The following UNC5C variants were observed in gnomAD, a reference collection of about 807,000 sequenced individuals.
The protein encoded by UNC5C is unc-5 netrin receptor C, also known as netrin receptor UNC5C.
In UNC5C, 47 loss-of-function variants were observed where a neutral mutation model predicts 99.8. The observed-to-expected ratio is 0.47, with a 90% CI of 0.37 to 0.60. The LOEUF (loss-of-function observed/expected upper bound fraction) is 0.60, where lower values mean the gene tolerates loss of function less well. Among genes scored for constraint, UNC5C ranks in the 20% least tolerant of loss-of-function variants. The pLI, the probability that UNC5C is intolerant of heterozygous loss-of-function variation, is 0.00. For missense variants in UNC5C, 1,062 were observed against 1,165.9 expected (o/e 0.91, Z 1.30); for synonymous variants, 487 against 452.2 (o/e 1.08, Z -0.98).
chr4:95,317,537 G>T (rs1249665827), intron 2 of UNC5C, among the ~76,000 whole-genome samples: 1 of 152,174 alleles, frequency 6.6e-6, no homozygotes, highest in African/African-American at 2.4e-5. Flanking sequence ...ACAATGTGGA[G>T]AAAGAACTTG....
intron 1 of UNC5C, among the ~76,000 whole-genome samples, chr4:95,473,477 G>A (rs185941566): frequency 6.6e-6 from 1 of 151,968 alleles, no homozygotes; most frequent in East Asian, 1.9e-4. Flanking sequence ...CTTTTTTGCT[G>A]AGAAATTTGC....
At chr4:95,183,320 C>T (rs1310091058) in intron 13 of UNC5C, among the ~76,000 whole-genome samples, 1 of 151,986 alleles carries the variant, frequency 6.6e-6, no homozygotes, top group African/African-American at 2.4e-5. Flanking sequence ...CTCCAGAATC[C>T]ATGTACCTAA....
At chr4:95,394,324 G>T (rs371090331) in intron 1 of UNC5C, among the ~76,000 whole-genome samples, 20 of 151,586 alleles carry the variant, frequency 1.3e-4, no homozygotes, top group Admixed American at 1.1e-3. Flanking sequence ...TCTCACGAAT[G>T]GGGGGTGCTA....
intron 3 of UNC5C, among the ~76,000 whole-genome samples, chr4:95,288,958 A>T (rs1741342697): frequency 6.6e-6 from 1 of 152,188 alleles, no homozygotes; most frequent in African/African-American, 2.4e-5. Flanking sequence ...TTTGGGGGTC[A>T]TTATCTATCC....
intron 1 of UNC5C, among the ~76,000 whole-genome samples, chr4:95,417,225 G>GA: frequency 6.6e-6 from 1 of 152,276 alleles, no homozygotes; most frequent in African/African-American, 2.4e-5. Flanking sequence ...TGGCACACCG[G>GA]AAAATGAACT....
intron 1 of UNC5C, among the ~76,000 whole-genome samples, chr4:95,435,116 A>G (rs1228510090): frequency 6.6e-6 from 1 of 152,098 alleles, no homozygotes; most frequent in Non-Finnish European, 1.5e-5. Context: ...GAGATAGAGT[A>G]CAAGGAAGCA....
At chr4:95,181,042 A>G (rs905412088) in intron 14 of UNC5C, among the ~76,000 whole-genome samples, 12 of 152,124 alleles carry the variant, frequency 7.9e-5, no homozygotes, top group African/African-American at 2.9e-4. Context: ...TCCTCTGCGC[A>G]CCCAGCACCC....
At chr4:95,295,778 A>G (rs1483439163) in intron 3 of UNC5C, among the ~76,000 whole-genome samples, 1 of 152,236 alleles carries the variant, frequency 6.6e-6, no homozygotes, top group Non-Finnish European at 1.5e-5. Context: ...CACTTGATAC[A>G]GGACAGAGTA....
At chr4:95,527,331 A>G (rs1247284116) in intron 1 of UNC5C, among the ~76,000 whole-genome samples, 2 of 152,144 alleles carry the variant, frequency 1.3e-5, no homozygotes, top group Non-Finnish European at 2.9e-5. Context: ...ATGCTTAATA[A>G]ATTGCATTTA....
intron 1 of UNC5C, among the ~76,000 whole-genome samples, chr4:95,337,941 CAAAGT>C (rs1297752640): frequency 2.0e-5 from 3 of 151,976 alleles, no homozygotes; most frequent in African/African-American, 7.2e-5. Flanking sequence ...ATAATATTCA[CAAAGT>C]AAAGTCAAGC....
intron 1 of UNC5C, among the ~76,000 whole-genome samples, chr4:95,436,198 C>T (rs1447471400): frequency 6.7e-6 from 1 of 150,168 alleles, no homozygotes; most frequent in Non-Finnish European, 1.5e-5. Flanking sequence ...AAAAAAAATC[C>T]AAAGAGAAAA....
At position 95,324,568 on chromosome 4, in the gene UNC5C, C is replaced by T. The variant is rs1489665528; in HGVS notation, c.346+10842G>A. Reference sequence around the variant, plus strand: ...TCCCTCCTGCCAAAAAGGTTGGGGACTGTTGTGCTAATATACATTTGCTAT... The same window carrying T: ...TCCCTCCTGCCAAAAAGGTTGGGGATTGTTGTGCTAATATACATTTGCTAT... On this transcript the variant is annotated intron_variant, in intron 2 of 15. Coordinates refer to ENST00000453304, the MANE Select transcript of UNC5C (RefSeq NM_003728.4). 3.3e-5 allele frequency among the ~76,000 whole-genome samples: 5 copies of T among 152,104 alleles called. No homozygotes were observed. In the East Asian group the frequency reaches 9.6e-4, roughly 29 times the overall value.
intron 1 of UNC5C, among the ~76,000 whole-genome samples, chr4:95,405,573 G>A (rs568562984): frequency 2.6e-5 from 4 of 152,232 alleles, no homozygotes; most frequent in East Asian, 1.9e-4. Flanking sequence ...TATATTAAGC[G>A]CAAAGAAAAT....
intron 2 of UNC5C, among the ~76,000 whole-genome samples, chr4:95,321,505 CTA>C (rs34776587): frequency 0.13 from 20,222 of 152,102 alleles, 1,518 homozygotes; most frequent in African/African-American, 0.19. Context: ...TCTGATCTAA[CTA>C]TGTTTTTGTA....
At position 95,216,110 on chromosome 4, in the gene UNC5C, A is replaced by G; in HGVS notation, c.1733+14T>C. 2 of 1,607,954 alleles carry G rather than the reference A, an allele frequency of 1.2e-6. No individual in the cohort carries two copies. The highest frequency in any genetic ancestry group is 1.1e-5 in the South Asian group (1 of 90,634). On this transcript the variant is annotated intron_variant, in intron 10 of 15. Transcript: ENST00000453304. ...ACATTGGTAAAGTCAGTGCACCAGA[A>G]AAAGCATATTTACCTCATAGTTTCT...
intron 2 of UNC5C, among the ~76,000 whole-genome samples, chr4:95,317,177 T>C (rs1742507235): frequency 6.6e-6 from 1 of 152,168 alleles, no homozygotes; most frequent in Admixed American, 6.6e-5. Context: ...CCTTCAGCAC[T>C]GGGTAATGTC....
At chr4:95,500,299 T>C (rs768603190) in intron 1 of UNC5C, among the ~76,000 whole-genome samples, 1 of 152,106 alleles carries the variant, frequency 6.6e-6, no homozygotes, top group Non-Finnish European at 1.5e-5. Context: ...AACCTTATTC[T>C]ACCCATTTGG....
At chr4:95,504,013 C>G (rs904104868) in intron 1 of UNC5C, among the ~76,000 whole-genome samples, 1 of 152,100 alleles carries the variant, frequency 6.6e-6, no homozygotes, top group South Asian at 2.1e-4. Context: ...ATTAATCAAT[C>G]ACCACTATGT....
At chr4:95,190,266 C>G (rs1737018838) in intron 12 of UNC5C, among the ~76,000 whole-genome samples, 1 of 150,280 alleles carries the variant, frequency 6.7e-6, no homozygotes, top group African/African-American at 2.5e-5. Flanking sequence ...CACATGTTCT[C>G]ACTCATAGGT....
Sources: gnomAD v4.1 joint callset for allele counts (sites outside exome capture counted in the v4.1 genomes callset) on GRCh38, gnomAD v4.1.1 for gene constraint, MANE v1.5 for transcripts, NCBI Gene and HGNC (gene_info 2026-07-23, HGNC 2026-07-21) for gene names.